The following CMTM5 variants were observed in gnomAD, a reference collection of about 807,000 sequenced individuals.
The protein encoded by CMTM5 is CKLF like MARVEL transmembrane domain containing 5, also known as CKLF-like MARVEL transmembrane domain-containing protein 5.
In CMTM5, 25 loss-of-function variants were observed where a neutral mutation model predicts 26.9. The observed-to-expected ratio is 0.93, with a 90% CI of 0.68 to 1.30. CMTM5 has a LOEUF of 1.30. CMTM5 is among the 50% of genes most tolerant of loss of function. The pLI, the probability that CMTM5 is intolerant of heterozygous loss-of-function variation, is 0.00. For synonymous variants in CMTM5, 98 were observed against 115.5 expected (o/e 0.85, Z 0.97); for missense variants, 292 against 289.6 (o/e 1.01, Z -0.06).
chr14:23,378,291 A>G lies in CMTM5; in HGVS notation c.127-58A>G. 1 of 1,587,748 alleles carries G rather than the reference A, an allele frequency of 6.3e-7. No individual in the cohort carries two copies. The highest frequency in any genetic ancestry group is 8.6e-7 in the Non-Finnish European group (1 of 1,164,084). On this transcript the variant is annotated intron_variant, in intron 1 of 5. Transcript: ENST00000339180. The surrounding 1 kb of genome is among the most constrained non-coding windows in gnomAD (Gnocchi z 4.2). The stretch of plus-strand genomic sequence containing the variant: ...GGAGCTTCCAAGGAGGGGAAGGCAA[A>G]GCCCTGGCCCCTGCCTGTGTCCCCT...
chr14:23,379,383 G>A lies in CMTM5; in HGVS notation c.658G>A (p.Gly220Arg), dbSNP rs373158495. The A allele has an allele frequency of 3.1e-6, 5 of 1,614,038 alleles. No homozygotes were observed. The African/African-American group carries it at 6.7e-5, about 22-fold the overall frequency. ...RTEMAPGASQGDQQ is the reference protein window; with the variant it reads ...RTEMAPGASQRDQQ ...TGAGATGGCACCCGGGGCCAGCCAG[G>A]GTGAGTGCCTGTGCTCTGTGGAGAG... The change falls in exon 5 of 6, where the codon GGG (glycine) becomes AGG (arginine). Residue 220 changes from glycine to arginine, a missense_variant and splice_region_variant. By Grantham distance (125) the Gly-to-Arg change is moderately radical. Coordinates refer to ENST00000339180, the MANE Select transcript of CMTM5 (RefSeq NM_001288746.2).
Position 23,378,827 on chromosome 14 carries a change from C to T in CMTM5, c.438C>T (p.Ser146=), listed in dbSNP as rs539898220. The change falls in exon 3 of 6, where the codon TCC becomes TCT. Residue 146 remains serine, a synonymous_variant. Coordinates refer to ENST00000339180, the MANE Select transcript of CMTM5 (RefSeq NM_001288746.2). This position sits in a 1 kb window ranked among gnomAD's most constrained non-coding sequence, Gnocchi z 4.2. The part of the protein sequence containing the change: ...WVPAPAPGFW[S]WLLWFICFHS... ...CAGCCCCAGCGCCTGGCTTCTGGTC[C>T]TGGTTGCTCTGGTTCATCTGCTTCC... 7.2e-5 allele frequency: 116 copies of T among 1,612,868 alleles called. 1 individual carries two copies. The South Asian group carries it at 1.2e-3, about 17-fold the overall frequency.
chr14:23,378,984 C>T lies in CMTM5; in HGVS notation c.481-47C>T, dbSNP rs1890728067. 1 of 1,608,630 alleles carries T rather than the reference C, an allele frequency of 6.2e-7. No individual in the cohort carries two copies. On this transcript the variant is annotated intron_variant, in intron 3 of 5. Coordinates refer to ENST00000339180, the MANE Select transcript of CMTM5 (RefSeq NM_001288746.2). This position sits in a 1 kb window ranked among gnomAD's most constrained non-coding sequence, Gnocchi z 4.2. ...TAGCCTGGAAAACTTCAGGGTAACG[C>T]CCCCTGCCTTCTGAGGTCCTGTTAA...
At position 23,377,675 on chromosome 14, in the gene CMTM5, C is replaced by G. The variant is rs1890635137; in HGVS notation, c.126+298C>G. The stretch of plus-strand genomic sequence containing the variant: ...GATGGGACAGGGGCAATGACAGCCT[C>G]TAACATGGCCACTTCTCAGCACGTC... On this transcript the variant is annotated intron_variant, in intron 1 of 5. Transcript: ENST00000339180. The surrounding 1 kb of genome is among the most constrained non-coding windows in gnomAD (Gnocchi z 4.6). The G allele has an allele frequency of 3.1e-6, 1 of 325,790 alleles. No individual in the cohort carries two copies. The highest frequency in any genetic ancestry group is 2.1e-5 in the African/African-American group (1 of 46,892). 20.2% of individuals were successfully genotyped at this position (325,790 alleles called of 1,614,324 possible).
Position 23,377,700 on chromosome 14 carries a change from C to A in CMTM5, c.126+323C>A, listed in dbSNP as rs1890636726. On this transcript the variant is annotated intron_variant, in intron 1 of 5. Transcript: ENST00000339180. The surrounding 1 kb of genome is among the most constrained non-coding windows in gnomAD (Gnocchi z 4.6). ...CTAACATGGCCACTTCTCAGCACGTCCAAGAAGTCTAACTATCAAAAAGGG... is the reference window on the plus strand; with the variant it reads ...CTAACATGGCCACTTCTCAGCACGTACAAGAAGTCTAACTATCAAAAAGGG... 2 of 286,146 alleles carry A rather than the reference C, an allele frequency of 7.0e-6. No individual in the cohort carries two copies. Among genetic ancestry groups the A allele is most frequent in the Non-Finnish European group, 1.3e-5 (2 of 153,854 alleles). 17.7% of individuals were successfully genotyped at this position (286,146 alleles called of 1,614,324 possible). A position where few individuals can be genotyped will look rare whatever the true frequency, so the allele number is the denominator to read the frequency against.
Position 23,377,440 on chromosome 14 carries a change from A to T in CMTM5, c.126+63A>T. On this transcript the variant is annotated intron_variant, in intron 1 of 5. Transcript: ENST00000339180. This position sits in a 1 kb window ranked among gnomAD's most constrained non-coding sequence, Gnocchi z 4.6. ...TGACCCCCGGCTCCTGGCCAGCCTT[A>T]TGCCAGCCCCCAGCTCACCCTTCAG... The T allele has an allele frequency of 3.4e-6, 5 of 1,490,510 alleles. No individual in the cohort carries two copies. Among genetic ancestry groups the T allele is most frequent in the Non-Finnish European group, 3.6e-6 (4 of 1,122,154 alleles). 92.3% of individuals were successfully genotyped at this position (1,490,510 alleles called of 1,614,324 possible). A position where few individuals can be genotyped will look rare whatever the true frequency, so the allele number is the denominator to read the frequency against.
rs554281012 is a variant in CMTM5 at position 23,377,522 on chromosome 14, C to T, written c.126+145C>T. ...CTCCTGCCCGCAGCTGCCCCTTCTT[C>T]GTCTCCTACTCTGCCTTCTTGCTGC... On this transcript the variant is annotated intron_variant, in intron 1 of 5. Coordinates refer to ENST00000339180, the MANE Select transcript of CMTM5 (RefSeq NM_001288746.2). The surrounding 1 kb of genome is among the most constrained non-coding windows in gnomAD (Gnocchi z 4.6). 201 of 865,848 alleles carry T rather than the reference C, an allele frequency of 2.3e-4. No homozygotes were observed. The African/African-American group carries it at 2.9e-3, about 12-fold the overall frequency. The allele number at this position is 865,848 out of a possible 1,614,324, so 53.6% of individuals were successfully genotyped here.
rs745460272 is a variant in CMTM5 at position 23,379,471 on chromosome 14, C to A, written c.659-3C>A. The A allele has an allele frequency of 1.9e-6, 3 of 1,613,924 alleles. No homozygotes were observed. The highest frequency in any genetic ancestry group is 1.7e-6 in the Non-Finnish European group (2 of 1,180,044). On this transcript the variant is annotated splice_polypyrimidine_tract_variant and splice_region_variant and intron_variant, in intron 5 of 5. Transcript: ENST00000339180. ...GGGTCCCTACCTGGCTCTATCCTCA[C>A]AGGGGACCAGCAGTGACTCTGGGGC... is the stretch of plus-strand genomic sequence containing the variant.
In CMTM5 at chr14:23,379,013, T is replaced by C; in HGVS notation, c.481-18T>C. ...CTGCCTTCTGAGGTCCTGTTAACCC[T>C]GCACCCCTGGCCCCCAGGACTTCCT... is the stretch of plus-strand genomic sequence containing the variant. On this transcript the variant is annotated intron_variant, in intron 3 of 5. Transcript: ENST00000339180. 6.2e-7 allele frequency: 1 copy of C among 1,613,736 alleles called. No individual in the cohort carries two copies. Among genetic ancestry groups the C allele is most frequent in the Non-Finnish European group, 8.5e-7 (1 of 1,179,718 alleles).
chr14:23,379,567 G>T lies in CMTM5; in HGVS notation c.*80G>T, dbSNP rs1890777872. 11 of 1,596,490 alleles carry T rather than the reference G, an allele frequency of 6.9e-6. No homozygotes were observed. Among genetic ancestry groups the T allele is most frequent in the Non-Finnish European group, 8.5e-6 (10 of 1,176,180 alleles). ...AGACACGTCTCCTTGGGATTCACTAGCCCCCAGCCCGCCAAACCCCACCCC... is the reference window on the plus strand; with the variant it reads ...AGACACGTCTCCTTGGGATTCACTATCCCCCAGCCCGCCAAACCCCACCCC... On this transcript the variant is annotated 3_prime_UTR_variant, in exon 6 of 6. Transcript: ENST00000339180.
Position 23,379,057 on chromosome 14 carries a change from C to G in CMTM5, c.507C>G (p.Ile169Met). Residue 169 changes from isoleucine (I) to methionine (M), a missense_variant, in exon 4 of 6, where the codon ATC (isoleucine) becomes ATG (methionine). By Grantham distance (10) the Ile-to-Met change is conservative. Coordinates refer to ENST00000339180, the MANE Select transcript of CMTM5 (RefSeq NM_001288746.2). ...SSDFLRCVSA[I>M]IIFLVVSFAA... ...ACTTCCTGCGCTGTGTCAGTGCCAT[C>G]ATCATCTTCCTGGTGGTCTCCTTTG... 1 of 1,614,150 alleles carries G rather than the reference C, an allele frequency of 6.2e-7. No individual in the cohort carries two copies. The highest frequency in any genetic ancestry group is 8.5e-7 in the Non-Finnish European group (1 of 1,180,022).
chr14:23,378,440 T>C lies in CMTM5; in HGVS notation c.218T>C (p.Phe73Ser). ...CTGGAGTTCTTCATCACACTTGCCT[T>C]CCTCTTCCTCTATGCCACCCAGTAC... ...ALLEFFITLA[F>S]LFLYATQYYQ... The change falls in exon 2 of 6, where the codon TTC becomes TCC. Residue 73 changes from phenylalanine (F) to serine (S), a missense_variant. Physicochemically the swap from Phe to Ser is radical, Grantham distance 155. Transcript: ENST00000339180. This position sits in a 1 kb window ranked among gnomAD's most constrained non-coding sequence, Gnocchi z 4.2. 6.2e-7 allele frequency: 1 copy of C among 1,614,090 alleles called. No homozygotes were observed. Among genetic ancestry groups the C allele is most frequent in the Non-Finnish European group, 8.5e-7 (1 of 1,180,002 alleles).
At chr14:23,379,260 A>G in intron 4 of CMTM5, 39 bp from the exon 5 acceptor site, 2 of 1,612,878 alleles carry the variant, frequency 1.2e-6, no homozygotes, top group East Asian at 2.2e-5. Context: ...CAATGGCCCT[A>G]TAGCCTCTGT....
In CMTM5 at chr14:23,377,358, T is replaced by A. The variant is rs1890611887; in HGVS notation, c.107T>A (p.Ile36Asn). The A allele has an allele frequency of 6.3e-7, 1 of 1,596,178 alleles. No homozygotes were observed. The highest frequency in any genetic ancestry group is 8.6e-7 in the Non-Finnish European group (1 of 1,168,874). The change falls in exon 1 of 6, where the codon ATC becomes AAC. Residue 36 changes from isoleucine to asparagine, a missense_variant. Transcript: ENST00000339180. The surrounding 1 kb of genome is among the most constrained non-coding windows in gnomAD (Gnocchi z 4.6). ...DKAFLTSHKG[I>N]LLETELALTL... ...GCCTTCCTCACCTCCCACAAGGGCA[T>A]CCTGCTGGAAACCGAGCTGGTAACA...
At position 23,377,594 on chromosome 14, in the gene CMTM5, G is replaced by A. The variant is rs11552257; in HGVS notation, c.126+217G>A. The stretch of plus-strand genomic sequence containing the variant: ...CAGCAGGTTTCAGTTGCAGCAGGAA[G>A]GACTGCAGTTAGACAGGGTGACTTT... On this transcript the variant is annotated intron_variant, in intron 1 of 5. Transcript: ENST00000339180. The surrounding 1 kb of genome is among the most constrained non-coding windows in gnomAD (Gnocchi z 4.6). 2.0e-6 allele frequency: 1 copy of A among 498,974 alleles called. No individual in the cohort carries two copies. Among genetic ancestry groups the A allele is most frequent in the Non-Finnish European group, 3.4e-6 (1 of 292,144 alleles). The allele number at this position is 498,974 out of a possible 1,614,324, so 30.9% of individuals were successfully genotyped here.
At position 23,378,411 on chromosome 14, in the gene CMTM5, G is replaced by A. The variant is rs570921659; in HGVS notation, c.189G>A (p.Ala63=). The stretch of plus-strand genomic sequence containing the variant: ...CCATCTCTGCCTACATGGCCGCGGC[G>A]CTACTGGAGTTCTTCATCACACTTG... ...TASISAYMAA[A]LLEFFITLAF... The change falls in exon 2 of 6, where the codon GCG becomes GCA. Residue 63 remains alanine, a synonymous_variant. Coordinates refer to ENST00000339180, the MANE Select transcript of CMTM5 (RefSeq NM_001288746.2). The surrounding 1 kb of genome is among the most constrained non-coding windows in gnomAD (Gnocchi z 4.2). 2.7e-5 allele frequency: 44 copies of A among 1,614,068 alleles called. No individual in the cohort carries two copies. Among genetic ancestry groups the A allele is most frequent in the Middle Eastern group, 1.6e-4 (1 of 6,062 alleles).
At position 23,377,344 on chromosome 14, in the gene CMTM5, C is replaced by T. The variant is rs768600531; in HGVS notation, c.93C>T (p.Thr31=). 1 of 1,604,252 alleles carries T rather than the reference C, an allele frequency of 6.2e-7. No homozygotes were observed. Among genetic ancestry groups the T allele is most frequent in the Non-Finnish European group, 8.5e-7 (1 of 1,173,868 alleles). ...TCGCGGTGGACAAGGCCTTCCTCAC[C>T]TCCCACAAGGGCATCCTGCTGGAAA... is the stretch of plus-strand genomic sequence containing the variant. ...QGFAVDKAFL[T]SHKGILLETE... Residue 31 remains threonine, a synonymous_variant, in exon 1 of 6, where the codon ACC becomes ACT. Coordinates refer to ENST00000339180, the MANE Select transcript of CMTM5 (RefSeq NM_001288746.2). This position sits in a 1 kb window ranked among gnomAD's most constrained non-coding sequence, Gnocchi z 4.6.
chr14:23,379,342 T>C lies in CMTM5; in HGVS notation c.617T>C (p.Phe206Ser). The C allele has an allele frequency of 6.2e-7, 1 of 1,614,170 alleles. No homozygotes were observed. Among genetic ancestry groups the C allele is most frequent in the Non-Finnish European group, 8.5e-7 (1 of 1,180,012 alleles). ...ILVSIFAYDA[F>S]KIYRTEMAPG... ...GTTTCCATCTTTGCCTATGATGCCT[T>C]CAAGATCTACCGGACTGAGATGGCA... Residue 206 changes from phenylalanine to serine, a missense_variant, in exon 5 of 6, where the codon TTC (phenylalanine) becomes TCC (serine). By Grantham distance (155) the Phe-to-Ser change is radical (BLOSUM62 -2). Transcript: ENST00000339180.
At position 23,377,419 on chromosome 14, in the gene CMTM5, C is replaced by T; in HGVS notation, c.126+42C>T. The T allele has an allele frequency of 6.6e-7, 1 of 1,520,484 alleles. No individual in the cohort carries two copies. Among genetic ancestry groups the T allele is most frequent in the East Asian group, 2.4e-5 (1 of 41,812 alleles). The allele number at this position is 1,520,484 out of a possible 1,614,324, so 94.2% of individuals were successfully genotyped here. A position where few individuals can be genotyped will look rare whatever the true frequency, so the allele number is the denominator to read the frequency against. On this transcript the variant is annotated intron_variant, in intron 1 of 5. Transcript: ENST00000339180. The surrounding 1 kb of genome is among the most constrained non-coding windows in gnomAD (Gnocchi z 4.6). ...AACCTGGTGCCTCCATCTCCCTGAC[C>T]CCCGGCTCCTGGCCAGCCTTATGCC...
Sources: allele counts gnomAD v4.1 joint callset, GRCh38; gene constraint gnomAD v4.1.1; non-coding constraint Gnocchi (gnomAD v3.1); transcripts MANE v1.5; gene names NCBI Gene and HGNC (gene_info 2026-07-23, HGNC 2026-07-21).